Variants in PDGFC observed in about 807,000 individuals in gnomAD.
PDGFC encodes the protein platelet derived growth factor C.
In PDGFC, 12 loss-of-function variants were observed where a neutral mutation model predicts 35.5. The observed-to-expected ratio is 0.34, with a 90% CI of 0.22 to 0.55. PDGFC has a LOEUF of 0.55. Ranked by LOEUF, PDGFC falls within the 20% of genes least tolerant of loss-of-function variation. The pLI is 0.91. For synonymous variants in PDGFC, 159 were observed against 148.8 expected, an observed-to-expected ratio of 1.07 and a Z score of -0.50; for missense variants, 322 against 412.4, an observed-to-expected ratio of 0.78 and a Z score of 1.90.
At chr4:156,834,620 G>A (rs564438681) in intron 2 of PDGFC, among the ~76,000 whole-genome samples, 1 of 152,230 alleles carries the variant, frequency 6.6e-6, no homozygotes, top group South Asian at 2.1e-4. Flanking sequence ...GAAAGGAGTA[G>A]GGGGTTAAAT....
At chr4:156,809,620 C>CAT (rs1219946661) in intron 3 of PDGFC, among the ~76,000 whole-genome samples, 45 of 151,782 alleles carry the variant, frequency 3.0e-4, no homozygotes, top group Non-Finnish European at 5.9e-5. Flanking sequence ...GTAATACATA[C>CAT]ATATAGTATG....
chr4:156,965,399 G>C (rs1007460015), intron 1 of PDGFC, among the ~76,000 whole-genome samples: 2 of 151,964 alleles, frequency 1.3e-5, no homozygotes, highest in African/African-American at 4.8e-5. Context: ...TGGGGGTGAG[G>C]GATGTTGGTA....
chr4:156,924,940 G>A (rs903517762), intron 1 of PDGFC, among the ~76,000 whole-genome samples: 10 of 152,178 alleles, frequency 6.6e-5, no homozygotes, highest in African/African-American at 2.2e-4. Flanking sequence ...AGAAATACAG[G>A]TGCTGGCAGC....
At chr4:156,836,781 G>A (rs1208498758) in intron 2 of PDGFC, among the ~76,000 whole-genome samples, 1 of 152,058 alleles carries the variant, frequency 6.6e-6, no homozygotes. Context: ...TTTCTTTACT[G>A]TATAGGAAAA....
chr4:156,805,087 T>C (rs1249959092), intron 3 of PDGFC, among the ~76,000 whole-genome samples: 3 of 152,014 alleles, frequency 2.0e-5, no homozygotes, highest in Non-Finnish European at 1.5e-5. Flanking sequence ...AGAGACACCA[T>C]GATCGTCATA....
rs1278553883 is a variant in PDGFC at position 156,772,726 on chromosome 4, T to A, written c.663A>T (p.Gln221His). Residue 221 changes from glutamine (Q) to histidine (H), a missense_variant, in exon 4 of 6, where the codon CAA (glutamine) becomes CAT (histidine). By Grantham distance (24) the Gln-to-His change is conservative (BLOSUM62 0). Around this residue, in one of 2 missense-constraint regions of PDGFC, gnomAD observed 202 missense variants for 295.9 expected, o/e 0.68. Transcript: ENST00000502773. The stretch of plus-strand genomic sequence containing the variant: ...CAAAAACAAAAGCCTTGCCAAGAAG[T>A]TGCCAAGTTGGCCTATATAGATCTT... ...DLEDLYRPTW[Q>H]LLGKAFVFGR... 6.2e-7 allele frequency: 1 copy of A among 1,613,578 alleles called. No individual in the cohort carries two copies.
chr4:156,909,884 T>C (rs1309173759), intron 1 of PDGFC, among the ~76,000 whole-genome samples: 1 of 152,158 alleles, frequency 6.6e-6, no homozygotes, highest in Admixed American at 6.6e-5. Flanking sequence ...CTAAATCCAG[T>C]ATCTGGTGCC....
At chr4:156,951,391 T>A (rs1732077652) in intron 1 of PDGFC, among the ~76,000 whole-genome samples, 1 of 151,826 alleles carries the variant, frequency 6.6e-6, no homozygotes, top group Non-Finnish European at 1.5e-5. Context: ...TATGCCAGGA[T>A]CAATTTTTTT....
rs1305304570 is a variant in PDGFC at position 156,767,930 on chromosome 4, A to C, written c.764T>G (p.Phe255Cys). The C allele has an allele frequency of 6.2e-7, 1 of 1,612,740 alleles. No individual in the cohort carries two copies. Among genetic ancestry groups the C allele is most frequent in the African/African-American group, 1.3e-5 (1 of 74,868 alleles). ...TAGTTCTTCCCTTATGGACACTGAG[A>C]AGTTACGAGGTGTGCAGCTGTATAA... Reference protein sequence around the residue: ...VRLYSCTPRNFSVSIREELKR... With the variant: ...VRLYSCTPRNCSVSIREELKR... Residue 255 changes from phenylalanine to cysteine, a missense_variant, in exon 5 of 6, where the codon TTC (phenylalanine) becomes TGC (cysteine). Coordinates refer to ENST00000502773, the MANE Select transcript of PDGFC (RefSeq NM_016205.3).
intron 3 of PDGFC, among the ~76,000 whole-genome samples, chr4:156,793,932 T>A (rs1423613433): frequency 6.6e-6 from 1 of 151,988 alleles, no homozygotes; most frequent in Non-Finnish European, 1.5e-5. Context: ...ACCCTTGCAG[T>A]GAGATTCAGT....
intron 5 of PDGFC, among the ~76,000 whole-genome samples, chr4:156,763,475 T>G (rs1435375743): frequency 6.6e-6 from 1 of 152,118 alleles, no homozygotes; most frequent in East Asian, 1.9e-4. Flanking sequence ...ATGGAAAGAC[T>G]CACCACGCAA....
intron 2 of PDGFC, among the ~76,000 whole-genome samples, chr4:156,846,361 C>A (rs184879889): frequency 5.4e-4 from 82 of 151,604 alleles, no homozygotes; most frequent in South Asian, 3.5e-3. Flanking sequence ...TTAAGCAGGA[C>A]CTAATTATGA....
intron 3 of PDGFC, among the ~76,000 whole-genome samples, chr4:156,789,242 G>C (rs541537095): frequency 6.6e-6 from 1 of 152,270 alleles, no homozygotes; most frequent in Admixed American, 6.5e-5. Context: ...TTCTTAAACA[G>C]CTGCCTAGAA....
intron 1 of PDGFC, among the ~76,000 whole-genome samples, chr4:156,961,160 G>T (rs1381580496): frequency 2.6e-5 from 4 of 152,020 alleles, no homozygotes; most frequent in African/African-American, 9.7e-5. Context: ...CTCTCAATTT[G>T]CATTTCTAAT....
At chr4:156,868,374 G>T (rs1729896455) in intron 1 of PDGFC, among the ~76,000 whole-genome samples, 1 of 152,086 alleles carries the variant, frequency 6.6e-6, no homozygotes, top group South Asian at 2.1e-4. Context: ...TTTAGTGCTG[G>T]AAAAATAAAT....
intron 2 of PDGFC, among the ~76,000 whole-genome samples, chr4:156,837,120 C>G (rs1729081283): frequency 6.6e-6 from 1 of 152,118 alleles, no homozygotes; most frequent in Non-Finnish European, 1.5e-5. Context: ...GGAGGTATAT[C>G]TAAACAAAAC....
chr4:156,898,867 G>C (rs996104664), intron 1 of PDGFC, among the ~76,000 whole-genome samples: 1 of 152,098 alleles, frequency 6.6e-6, no homozygotes. Flanking sequence ...ATGTTTTCTA[G>C]GCTGGTCTTG....
At chr4:156,797,196 C>A (rs1286727049) in intron 3 of PDGFC, among the ~76,000 whole-genome samples, 1 of 151,214 alleles carries the variant, frequency 6.6e-6, no homozygotes, top group Non-Finnish European at 1.5e-5. Flanking sequence ...AGAGATCGCG[C>A]CACTGCACTC....
chr4:156,837,238 G>T (rs1729084560), intron 2 of PDGFC, among the ~76,000 whole-genome samples: 6 of 152,106 alleles, frequency 3.9e-5, no homozygotes, highest in Admixed American at 3.3e-4. Context: ...TCTAGGCTAG[G>T]CGTGGTGGCA....
Sources: allele counts gnomAD v4.1 joint callset (sites outside exome capture counted in the v4.1 genomes callset), GRCh38; gene constraint gnomAD v4.1.1; regional missense constraint gnomAD v4.1.1; transcripts MANE v1.5; gene names NCBI Gene and HGNC (gene_info 2026-07-23, HGNC 2026-07-21).